The following PSMA1 variants were observed in gnomAD, a reference collection of about 807,000 sequenced individuals.
The protein encoded by PSMA1 is proteasome subunit alpha type-1.
In PSMA1, 3 loss-of-function variants were observed where a neutral mutation model predicts 38.4. The ratio of observed to expected loss-of-function variants is 0.08; its 90% CI spans 0.04 to 0.20. The LOEUF is 0.20. Ranked by LOEUF, PSMA1 falls within the 10% of genes least tolerant of loss-of-function variation. The probability of loss-of-function intolerance (pLI) is 1.00; values close to 1 mark genes in which losing one functional copy is unlikely to be tolerated. For missense variants in PSMA1, 227 were observed against 325.3 expected (o/e 0.70, Z 2.32); for synonymous variants, 101 against 107.1 (o/e 0.94, Z 0.35).
chr11:14,589,123 T>G (rs376984689), intron 2 of PSMA1, among the ~76,000 whole-genome samples: 19 of 152,298 alleles, frequency 1.2e-4, no homozygotes, highest in African/African-American at 4.3e-4. Flanking sequence ...CATGGCTTAT[T>G]TCCTCACCTC....
intron 2 of PSMA1, among the ~76,000 whole-genome samples, chr11:14,527,256 T>C (rs1851597793): frequency 6.6e-6 from 1 of 152,158 alleles, no homozygotes; most frequent in Admixed American, 6.5e-5. Flanking sequence ...CTGTCCCTCA[T>C]GGCCAGTTTT....
At chr11:14,597,222 G>C (rs1199978550) in intron 2 of PSMA1, among the ~76,000 whole-genome samples, 2 of 152,092 alleles carry the variant, frequency 1.3e-5, no homozygotes, top group Non-Finnish European at 1.5e-5. Context: ...TGTTGTGTCT[G>C]TGCCACGCTT....
chr11:14,580,117 A>T (rs940037205), intron 2 of PSMA1, among the ~76,000 whole-genome samples: 1 of 152,234 alleles, frequency 6.6e-6, no homozygotes, highest in Non-Finnish European at 1.5e-5. Context: ...ATACAAATGT[A>T]ATCATGTCAC....
intron 2 of PSMA1, among the ~76,000 whole-genome samples, chr11:14,582,364 C>T (rs184844095): frequency 2.0e-5 from 3 of 152,240 alleles, no homozygotes; most frequent in Admixed American, 2.0e-4. Context: ...TACTCCATAA[C>T]TCCCAGCACC....
chr11:14,624,278 C>T (rs779550012), intron 1 of PSMA1, among the ~76,000 whole-genome samples: 6 of 152,224 alleles, frequency 3.9e-5, no homozygotes, highest in East Asian at 1.9e-4. Flanking sequence ...TTTAGCTGGT[C>T]GTATGGGAAC....
rs570125587 is a variant in PSMA1 at position 14,600,419 on chromosome 11, C to T, written c.21+10547G>A. On this transcript the variant is annotated intron_variant, in intron 2 of 10. Coordinates refer to the PSMA1 transcript ENST00000418988. ...GCTCCGCTCAGTTCGAGTTTCCCAC[C>T]GCTTTTTTACCTACTCAAGCCTCAG... Among the ~76,000 whole-genome samples, 201 of 152,268 alleles carry T rather than the reference C, an allele frequency of 1.3e-3. 1 individual carries two copies. Among genetic ancestry groups the T allele is most frequent in the African/African-American group, 4.5e-3 (186 of 41,556 alleles).
chr11:14,513,515 A>G, intron 7 of PSMA1, 55 bp downstream of exon 7: 1 of 1,358,986 alleles, frequency 7.4e-7, no homozygotes, highest in Non-Finnish European at 9.5e-7. Flanking sequence ...TTTATTTACT[A>G]TATAGACTGG....
intron 2 of PSMA1, among the ~76,000 whole-genome samples, chr11:14,566,706 G>A (rs192304554): frequency 3.2e-3 from 488 of 152,292 alleles, no homozygotes; most frequent in Non-Finnish European, 5.5e-3. Context: ...GTGAATGAAA[G>A]CTCAAAGGTG....
intron 2 of PSMA1, among the ~76,000 whole-genome samples, chr11:14,600,490 C>A (rs2134193516): frequency 6.6e-6 from 1 of 152,308 alleles, no homozygotes; most frequent in African/African-American, 2.4e-5. Context: ...TCTCGCAGAT[C>A]AATCTCAGAC....
chr11:14,594,119 C>T (rs1173630671), intron 2 of PSMA1, among the ~76,000 whole-genome samples: 2 of 152,170 alleles, frequency 1.3e-5, no homozygotes, highest in Non-Finnish European at 2.9e-5. Flanking sequence ...TGGAAAGAAC[C>T]TGATTCATGA....
chr11:14,537,024 A>G lies in PSMA1; in HGVS notation c.22-17983T>C, dbSNP rs187938460. ...ACAGACATTTTATGATGGAAGGAGT[A>G]TGCTTACAAATAGGCCAAATATTTT... is the stretch of plus-strand genomic sequence containing the variant. On this transcript the variant is annotated intron_variant, in intron 2 of 10. Coordinates refer to the PSMA1 transcript ENST00000418988. Among the ~76,000 whole-genome samples, 367 of 152,354 alleles carry G rather than the reference A, an allele frequency of 2.4e-3. 1 individual carries two copies. Among genetic ancestry groups the G allele is most frequent in the African/African-American group, 8.3e-3 (345 of 41,584 alleles).
chr11:14,549,517 C>T (rs981569936), intron 2 of PSMA1, among the ~76,000 whole-genome samples: 2 of 151,738 alleles, frequency 1.3e-5, no homozygotes, highest in South Asian at 2.1e-4. Flanking sequence ...CTGGCTAACA[C>T]GTTGAAACCC....
At chr11:14,611,618 A>G (rs183974176) in intron 1 of PSMA1, among the ~76,000 whole-genome samples, 71 of 152,298 alleles carry the variant, frequency 4.7e-4, no homozygotes, top group Middle Eastern at 6.8e-3. Flanking sequence ...CCGATATGGA[A>G]CCGGCCTCTT....
intron 1 of PSMA1, among the ~76,000 whole-genome samples, chr11:14,620,446 C>G (rs1349692216): frequency 6.6e-6 from 1 of 152,176 alleles, no homozygotes; most frequent in Non-Finnish European, 1.5e-5. Flanking sequence ...GACTAGAGTC[C>G]CTCAGCAAAA....
upstream of PSMA1, among the ~76,000 whole-genome samples, chr11:14,521,527 T>C (rs1851530067): frequency 6.7e-6 from 1 of 150,118 alleles, no homozygotes; most frequent in Non-Finnish European, 1.5e-5. Flanking sequence ...GGCTCACGCT[T>C]GTAATCCCAA....
chr11:14,592,826 C>G (rs1852440176), intron 2 of PSMA1, among the ~76,000 whole-genome samples: 1 of 152,218 alleles, frequency 6.6e-6, no homozygotes, highest in Non-Finnish European at 1.5e-5. Flanking sequence ...CTCCTCATAT[C>G]TCAGGTCTCA....
upstream of PSMA1, among the ~76,000 whole-genome samples, chr11:14,524,109 CAAAAAAAAAAAAAA>C (rs71044009): frequency 1.8e-5 from 1 of 54,230 alleles, no homozygotes; most frequent in South Asian, 1.1e-3. Flanking sequence ...GACCCTGTCT[CAAAAAAAAAAAAAA>C]AAAAAAAAAA....
At chr11:14,506,079 C>T (rs1034198968) in intron 9 of PSMA1, among the ~76,000 whole-genome samples, 3 of 152,108 alleles carry the variant, frequency 2.0e-5, no homozygotes, top group African/African-American at 7.2e-5. Flanking sequence ...AGTAAGGCTT[C>T]CAGTCAACAG....
At position 14,528,714 on chromosome 11, in the gene PSMA1, C is replaced by T. The variant is rs10160675; in HGVS notation, c.22-9673G>A. 1.5e-3 allele frequency among the ~76,000 whole-genome samples: 236 copies of T among 152,264 alleles called. 1 individual carries two copies. The highest frequency in any genetic ancestry group is 2.2e-3 in the Non-Finnish European group (153 of 68,018). On this transcript the variant is annotated intron_variant, in intron 2 of 10. Transcript: ENST00000418988. ...CAGATGGCCTGAAGCAACTGAAGAT[C>T]CACAAAAGAAGTGAAAATAGCCTTA...
Sources: gnomAD v4.1 joint callset for allele counts (sites outside exome capture counted in the v4.1 genomes callset) on GRCh38, gnomAD v4.1.1 for gene constraint, MANE v1.5 for transcripts, NCBI Gene and HGNC (gene_info 2026-07-23, HGNC 2026-07-21) for gene names.